The following HTR2C variants were observed in gnomAD, a reference collection of about 807,000 sequenced individuals.
The protein encoded by HTR2C is 5-hydroxytryptamine receptor 2C, also known as 5-hydroxytryptamine (serotonin) receptor 2C, G protein-coupled.
HTR2C carries 5 observed loss-of-function variants against 21.0 expected under a neutral mutation model. The ratio of observed to expected loss-of-function variants is 0.24; its 90% confidence interval spans 0.12 to 0.50. The LOEUF (loss-of-function observed/expected upper bound fraction) is 0.50, where lower values mean the gene tolerates loss of function less well. HTR2C is among the 20% of genes least tolerant of loss of function. The pLI is 0.98. For synonymous variants in HTR2C, 150 were observed against 145.3 expected (o/e 1.03, Z -0.23); for missense variants, 271 against 371.2 (o/e 0.73, Z 2.22).
intron 5 of HTR2C, among the ~76,000 whole-genome samples, chrX:114,873,693 G>A (rs1456816205): frequency 4.5e-5 from 5 of 111,483 alleles, no homozygotes; most frequent in Non-Finnish European, 7.5e-5. Context: ...TATTTAAAGT[G>A]TACACTGTGA....
intron 4 of HTR2C, among the ~76,000 whole-genome samples, chrX:114,792,523 A>G (rs2070244274): frequency 9.0e-6 from 1 of 111,464 alleles, no homozygotes; most frequent in Non-Finnish European, 1.9e-5. Flanking sequence ...TCAATCATTG[A>G]TGGGCATTTG....
intron 4 of HTR2C, among the ~76,000 whole-genome samples, chrX:114,781,993 G>A (rs2070123615): frequency 9.2e-6 from 1 of 108,520 alleles, no homozygotes; most frequent in African/African-American, 3.4e-5. Context: ...AAGCAAAACA[G>A]ATAAAAATAA....
intron 2 of HTR2C, among the ~76,000 whole-genome samples, chrX:114,701,556 A>G (rs1338632167): frequency 9.0e-6 from 1 of 111,393 alleles, no homozygotes; most frequent in African/African-American, 3.3e-5. Flanking sequence ...CCAAAAACCC[A>G]TCTGTACATC....
intron 2 of HTR2C, among the ~76,000 whole-genome samples, chrX:114,706,410 G>T (rs1932769150): frequency 1.1e-5 from 1 of 93,892 alleles, no homozygotes; most frequent in Non-Finnish European, 2.1e-5. Flanking sequence ...CCTTTGTAGG[G>T]ACATGGATGA....
intron 2 of HTR2C, among the ~76,000 whole-genome samples, chrX:114,699,871 A>T (rs1407102534): frequency 8.9e-6 from 1 of 112,512 alleles, no homozygotes; most frequent in Non-Finnish European, 1.9e-5. Flanking sequence ...ATTTCTTATG[A>T]TCATATGATT....
At position 114,584,539 on chromosome X, in the gene HTR2C, G is replaced by T. The variant is rs781951467; in HGVS notation, c.-267G>T. The T allele has an allele frequency of 8.8e-6, 1 of 113,191 alleles. No homozygotes were observed. The highest frequency in any genetic ancestry group is 3.6e-4 in the South Asian group (1 of 2,774). The allele number at this position is 113,191 out of a possible 1,213,427, so 9.3% of individuals were successfully genotyped here. A position where few individuals can be genotyped will look rare whatever the true frequency, so the allele number is the denominator to read the frequency against. Reference sequence around the variant, plus strand: ...CCGAGGCGCGAGGTTGCGGCGCGCAGCGCAGCGCAGCTCAGCGCACCGACT... The same window carrying T: ...CCGAGGCGCGAGGTTGCGGCGCGCATCGCAGCGCAGCTCAGCGCACCGACT... On this transcript the variant is annotated 5_prime_UTR_variant, in exon 1 of 6. Transcript: ENST00000276198.
intron 4 of HTR2C, among the ~76,000 whole-genome samples, chrX:114,805,636 CCATATATAT>C (rs2070400527): frequency 1.3e-4 from 2 of 15,141 alleles, no homozygotes; most frequent in Non-Finnish European, 2.0e-4. Flanking sequence ...CATATATATA[CCATATATAT>C]ACACCATATA....
intron 2 of HTR2C, among the ~76,000 whole-genome samples, chrX:114,686,558 T>C (rs1266656901): frequency 1.8e-5 from 2 of 111,377 alleles, no homozygotes; most frequent in Non-Finnish European, 3.8e-5. Context: ...TTATGAATCA[T>C]TTAAAAATGT....
At chrX:114,621,067 G>A (rs1929143239) in intron 2 of HTR2C, among the ~76,000 whole-genome samples, 1 of 111,568 alleles carries the variant, frequency 9.0e-6, no homozygotes, top group African/African-American at 3.3e-5. Context: ...TTTTAGTAGA[G>A]ACGAGGTTTC....
chrX:114,726,079 C>T (rs1422774484), intron 2 of HTR2C, among the ~76,000 whole-genome samples: 1 of 112,335 alleles, frequency 8.9e-6, no homozygotes, highest in African/African-American at 3.2e-5. Context: ...TTTACCTAAG[C>T]AAGCCTGGGC....
At chrX:114,773,867 A>C (rs1477305608) in intron 4 of HTR2C, among the ~76,000 whole-genome samples, 2 of 112,059 alleles carry the variant, frequency 1.8e-5, no homozygotes, top group Non-Finnish European at 3.8e-5. Context: ...TTTATTTTAC[A>C]CAGAGGCTTC....
chrX:114,794,873 G>A (rs868936079), intron 4 of HTR2C, among the ~76,000 whole-genome samples: 68 of 109,757 alleles, frequency 6.2e-4, no homozygotes, highest in Middle Eastern at 9.3e-3. Flanking sequence ...ATGATTTATA[G>A]TCCTTTGGGT....
intron 1 of HTR2C, among the ~76,000 whole-genome samples, chrX:114,591,564 G>T (rs1046482870): frequency 9.0e-6 from 1 of 111,593 alleles, no homozygotes; most frequent in African/African-American, 3.3e-5. Context: ...AACTGTCTGT[G>T]TCAAATTTTC....
intron 5 of HTR2C, among the ~76,000 whole-genome samples, chrX:114,855,490 A>AT (rs1258963308): frequency 1.8e-4 from 20 of 110,937 alleles, no homozygotes; most frequent in Non-Finnish European, 1.9e-4. Flanking sequence ...CCAGAGATGA[A>AT]TAGACATTTT....
chrX:114,897,128 A>G (rs974104634), intron 5 of HTR2C, among the ~76,000 whole-genome samples: 2 of 111,975 alleles, frequency 1.8e-5, no homozygotes, highest in African/African-American at 3.2e-5. Context: ...ACATGTAAGA[A>G]ACTTAAAATG....
intron 2 of HTR2C, 31 bp from the exon 3 acceptor site, chrX:114,726,827 A>G (rs1933511770): frequency 2.0e-6 from 1 of 502,924 alleles, no homozygotes; most frequent in Non-Finnish European, 3.3e-6. Flanking sequence ...ATGTTTAACT[A>G]ATTTTCTCTT....
At chrX:114,901,440 T>C (rs1474203905) in intron 5 of HTR2C, among the ~76,000 whole-genome samples, 1 of 111,827 alleles carries the variant, frequency 8.9e-6, no homozygotes, top group Non-Finnish European at 1.9e-5. Flanking sequence ...GTAGTAGTTG[T>C]AACAGCAGTA....
chrX:114,662,066 T>C (rs1225823712), intron 2 of HTR2C, among the ~76,000 whole-genome samples: 3 of 111,671 alleles, frequency 2.7e-5, no homozygotes, highest in African/African-American at 6.5e-5. Flanking sequence ...TGTCTTTTTA[T>C]TTGGGGCTAA....
intron 1 of HTR2C, among the ~76,000 whole-genome samples, chrX:114,604,781 G>A (rs1314193733): frequency 9.0e-6 from 1 of 111,377 alleles, no homozygotes; most frequent in Non-Finnish European, 1.9e-5. Flanking sequence ...CCTGTGGGAG[G>A]AGGTTCTGGA....
Sources: allele counts gnomAD v4.1 joint callset (sites outside exome capture counted in the v4.1 genomes callset), GRCh38; gene constraint gnomAD v4.1.1; transcripts MANE v1.5; gene names NCBI Gene and HGNC (gene_info 2026-07-23, HGNC 2026-07-21).